RPL15: variants seen among roughly 807,000 people sequenced by gnomAD.
The protein encoded by RPL15 is large ribosomal subunit protein eL15.
For synonymous variants in RPL15, 97 were observed against 95.1 expected (o/e 1.02, Z -0.12); for missense variants, 161 against 271.8 (o/e 0.59, Z 2.87).
At position 23,920,800 on chromosome 3, in the gene RPL15, T is replaced by C; in HGVS notation, c.*1299T>C. On this transcript the variant is annotated 3_prime_UTR_variant, in exon 4 of 4. Transcript: ENST00000307839. ...TCTTAAGTCATACATTTTAATTGTG[T>C]AGAGGTTGTTCAACTGAAGGAATAA... The C allele has an allele frequency of 1.0e-6, 1 of 956,730 alleles. No homozygotes were observed. The highest frequency in any genetic ancestry group is 1.2e-6 in the Non-Finnish European group (1 of 803,836). 59.3% of individuals were successfully genotyped at this position (956,730 alleles called of 1,614,324 possible).
In RPL15 at chr3:23,920,252, C is replaced by T; in HGVS notation, c.*751C>T. 2.0e-6 allele frequency: 2 copies of T among 985,676 alleles called. No homozygotes were observed. Among genetic ancestry groups the T allele is most frequent in the Non-Finnish European group, 2.4e-6 (2 of 829,810 alleles). 61.1% of individuals were successfully genotyped at this position (985,676 alleles called of 1,614,324 possible). A position where few individuals can be genotyped will look rare whatever the true frequency, so the allele number is the denominator to read the frequency against. ...TGCTAATTGTGATCATTATGAATCC[C>T]TTCAGTCACATTAGGGGGAAAGTAG... On this transcript the variant is annotated 3_prime_UTR_variant, in exon 4 of 4. Coordinates refer to ENST00000307839, the MANE Select transcript of RPL15 (RefSeq NM_002948.5).
rs558281601 is a variant in RPL15, at chr3:23,919,225, G to C, written c.339G>C (p.Leu113=). ...GAGCTGGACGCCACTGTGGGGCTCT[G>C]AGAGTCCTGAATTCTTACTGGGTTG... ...EERAGRHCGA[L]RVLNSYWVGE... is the part of the protein sequence containing the mutation. Residue 113 remains leucine (L), a synonymous_variant, in exon 4 of 4, where the codon CTG becomes CTC. Transcript: ENST00000307839. 86 of 1,613,886 alleles carry C rather than the reference G, an allele frequency of 5.3e-5. 1 individual carries two copies. In the South Asian group the frequency reaches 8.7e-4, roughly 16 times the overall value.
In RPL15 at chr3:23,919,810, A is replaced by G; in HGVS notation, c.*309A>G. The G allele has an allele frequency of 9.4e-7, 1 of 1,061,210 alleles. No individual in the cohort carries two copies. Among genetic ancestry groups the G allele is most frequent in the Non-Finnish European group, 1.1e-6 (1 of 879,060 alleles). The allele number at this position is 1,061,210 out of a possible 1,614,324, so 65.7% of individuals were successfully genotyped here. A position where few individuals can be genotyped will look rare whatever the true frequency, so the allele number is the denominator to read the frequency against. ...GAGAGAACTGAAACTAGCCCTGTAGATTTGTCTGGTGCATGTGATGAAACC... is the reference window on the plus strand; with the variant it reads ...GAGAGAACTGAAACTAGCCCTGTAGGTTTGTCTGGTGCATGTGATGAAACC... On this transcript the variant is annotated 3_prime_UTR_variant, in exon 4 of 4. Coordinates refer to ENST00000307839, the MANE Select transcript of RPL15 (RefSeq NM_002948.5).
chr3:23,921,759 G>A, downstream of RPL15: 2 of 602,320 alleles, frequency 3.3e-6, no homozygotes, highest in South Asian at 2.0e-5. Context: ...ATTTTTAGTA[G>A]AGACTGGGTT....
chr3:23,919,874 T>C lies in RPL15; in HGVS notation c.*373T>C, dbSNP rs1704975671. ...GAGTGATGGCAATGCTCTGCTGGTT[T>C]ATTTTCAAGTGGCTGCGTTTTTTTT... is the stretch of plus-strand genomic sequence containing the variant. On this transcript the variant is annotated 3_prime_UTR_variant, in exon 4 of 4. Coordinates refer to ENST00000307839, the MANE Select transcript of RPL15 (RefSeq NM_002948.5). 1.0e-6 allele frequency: 1 copy of C among 1,000,156 alleles called. No individual in the cohort carries two copies. The highest frequency in any genetic ancestry group is 1.2e-6 in the Non-Finnish European group (1 of 839,930). 62.0% of individuals were successfully genotyped at this position (1,000,156 alleles called of 1,614,324 possible).
intron 1 of RPL15, 56 bp from the exon 2 acceptor site, chr3:23,917,794 A>G (rs1476044421): frequency 3.3e-6 from 5 of 1,495,446 alleles, no homozygotes; most frequent in African/African-American, 2.8e-5. Context: ...GGACGGATAC[A>G]GTCGTCTTAT....
upstream of RPL15, chr3:23,916,944 C>T (rs2125246596): frequency 6.5e-6 from 1 of 152,786 alleles, no homozygotes; most frequent in African/African-American, 2.4e-5. Context: ...TCTCGAGACG[C>T]CCAGGCCGCT....
At chr3:23,918,778 T>C in intron 3 of RPL15, 1 of 645,568 alleles carries the variant, frequency 1.5e-6, no homozygotes, top group Non-Finnish European at 2.6e-6. Flanking sequence ...TGGAAGTACT[T>C]GTGGAACCTA....
At position 23,920,264 on chromosome 3, in the gene RPL15, TA is replaced by T. The variant is rs1344942019; in HGVS notation, c.*764del. 3.0e-6 allele frequency: 3 copies of T among 985,616 alleles called. No individual in the cohort carries two copies. The highest frequency in any genetic ancestry group is 3.6e-6 in the Non-Finnish European group (3 of 829,760). The allele number at this position is 985,616 out of a possible 1,614,324, so 61.1% of individuals were successfully genotyped here. Reference sequence around the variant, plus strand: ...TCATTATGAATCCCTTCAGTCACATTAGGGGGAAAGTAGTTGGCTATAAGTA... The same window carrying T: ...TCATTATGAATCCCTTCAGTCACATTGGGGGAAAGTAGTTGGCTATAAGTA... On this transcript the variant is annotated 3_prime_UTR_variant, in exon 4 of 4. Transcript: ENST00000307839.
chr3:23,920,512 G>T lies in RPL15; in HGVS notation c.*1011G>T. The T allele has an allele frequency of 1.0e-6, 1 of 985,172 alleles. No individual in the cohort carries two copies. The highest frequency in any genetic ancestry group is 1.2e-6 in the Non-Finnish European group (1 of 829,742). 61.0% of individuals were successfully genotyped at this position (985,172 alleles called of 1,614,324 possible). ...TTGACTATGAGTATACCACCACATT[G>T]CATTTCTGTTTGCACCATGTCTTCC... On this transcript the variant is annotated 3_prime_UTR_variant, in exon 4 of 4. Coordinates refer to ENST00000307839, the MANE Select transcript of RPL15 (RefSeq NM_002948.5).
chr3:23,920,626 T>C lies in RPL15; in HGVS notation c.*1125T>C. 1 of 984,956 alleles carries C rather than the reference T, an allele frequency of 1.0e-6. No individual in the cohort carries two copies. The allele number at this position is 984,956 out of a possible 1,614,324, so 61.0% of individuals were successfully genotyped here. Reference sequence around the variant, plus strand: ...GCCCAATTTTAAATTCTGACTTTGCTGACTTAATTTAAATGCTCGTTCTGA... The same window carrying C: ...GCCCAATTTTAAATTCTGACTTTGCCGACTTAATTTAAATGCTCGTTCTGA... On this transcript the variant is annotated 3_prime_UTR_variant, in exon 4 of 4. Coordinates refer to ENST00000307839, the MANE Select transcript of RPL15 (RefSeq NM_002948.5).
intron 3 of RPL15, 101 bp from the exon 4 acceptor site, chr3:23,919,095 T>A: frequency 1.3e-6 from 1 of 774,842 alleles, no homozygotes. Context: ...AGTAAAAGAC[T>A]CTTGTCTGGT....
At chr3:23,924,025 T>C (rs1433113809), downstream of RPL15, 2 of 152,164 alleles carry the variant, frequency 1.3e-5, no homozygotes, top group African/African-American at 2.4e-5. Context: ...ATTACTTCCC[T>C]CCAAGAAAAA....
chr3:23,918,303 T>A (rs1704804840), intron 2 of RPL15, 137 bp from the exon 3 acceptor site: 1 of 1,045,208 alleles, frequency 9.6e-7, no homozygotes, highest in Non-Finnish European at 1.4e-6. Flanking sequence ...AAGACTGGGA[T>A]GTGTTTTATT....
chr3:23,918,086 A>G (rs760365818), intron 2 of RPL15, 55 bp downstream of exon 2: 8 of 1,569,750 alleles, frequency 5.1e-6, no homozygotes, highest in Non-Finnish European at 6.9e-6. Flanking sequence ...GAAAAGTTGG[A>G]AACCAGCTGT....
At chr3:23,924,294 C>T (rs1211146642), downstream of RPL15, 2 of 152,226 alleles carry the variant, frequency 1.3e-5, no homozygotes, top group African/African-American at 4.8e-5. Context: ...GTTTGCTTTA[C>T]AGTGGCTTTC....
At chr3:23,918,073 C>G in intron 2 of RPL15, 42 bp downstream of exon 2, 1 of 1,579,944 alleles carries the variant, frequency 6.3e-7, no homozygotes, top group Non-Finnish European at 8.6e-7. Context: ...AAATTATATT[C>G]GAGAAAAGTT....
chr3:23,918,199 C>T lies in RPL15; in HGVS notation c.172+168C>T, dbSNP rs1012867288. 10 of 985,282 alleles carry T rather than the reference C, an allele frequency of 1.0e-5. No homozygotes were observed. The African/African-American group carries it at 1.7e-4, about 16-fold the overall frequency. 61.0% of individuals were successfully genotyped at this position (985,282 alleles called of 1,614,324 possible). A position where few individuals can be genotyped will look rare whatever the true frequency, so the allele number is the denominator to read the frequency against. The stretch of plus-strand genomic sequence containing the variant: ...CTGTATGCACTGTTGTCTAAAGTGG[C>T]AAGTGTGTCAAAGGTTACAAATCTG... On this transcript the variant is annotated intron_variant, in intron 2 of 3. Transcript: ENST00000307839.
rs1237567346 is a variant in RPL15 at position 23,919,728 on chromosome 3, A to T, written c.*227A>T. ...TTGCTTTATCTTATTAGGGAGTTGT[A>T]TGTCAGTGTATAAAACATACTGTGT... On this transcript the variant is annotated 3_prime_UTR_variant, in exon 4 of 4. Transcript: ENST00000307839. 1.5e-6 allele frequency: 2 copies of T among 1,346,972 alleles called. No individual in the cohort carries two copies. The highest frequency in any genetic ancestry group is 1.9e-6 in the Non-Finnish European group (2 of 1,052,672). The allele number at this position is 1,346,972 out of a possible 1,614,324, so 83.4% of individuals were successfully genotyped here.
Sources: allele counts gnomAD v4.1 joint callset, GRCh38; gene constraint gnomAD v4.1.1; transcripts MANE v1.5; gene names NCBI Gene and HGNC (gene_info 2026-07-23, HGNC 2026-07-21).